Variants in ATF6 observed in about 807,000 individuals in gnomAD.
ATF6 encodes the protein cyclic AMP-dependent transcription factor ATF-6 alpha.
ATF6 carries 53 observed loss-of-function variants against 83.6 expected under a neutral mutation model. The ratio of observed to expected loss-of-function variants is 0.63; its 90% CI spans 0.51 to 0.80. ATF6 has a LOEUF of 0.80. Among genes scored for constraint, ATF6 ranks in the 30% least tolerant of loss-of-function variants. The probability of loss-of-function intolerance (pLI) is 0.00; values close to 1 mark genes in which losing one functional copy is unlikely to be tolerated. For missense variants in ATF6, 744 were observed against 797.9 expected, an observed-to-expected ratio of 0.93 and a Z score of 0.81; for synonymous variants, 288 against 285.8, an observed-to-expected ratio of 1.01 and a Z score of -0.08.
chr1:161,780,148 A>G (rs748611648), intron 2 of ATF6, among the ~76,000 whole-genome samples: 1 of 152,048 alleles, frequency 6.6e-6, no homozygotes, highest in African/African-American at 2.4e-5. Context: ...TTTCATGTGC[A>G]CTTTCACATG....
chr1:161,835,811 C>A (rs924139066), intron 9 of ATF6, among the ~76,000 whole-genome samples: 4 of 152,130 alleles, frequency 2.6e-5, no homozygotes, highest in African/African-American at 9.7e-5. Flanking sequence ...TATGTTTTCC[C>A]CTTTCTATTT....
chr1:161,808,741 T>G (rs1487578955), intron 7 of ATF6, among the ~76,000 whole-genome samples: 1 of 151,916 alleles, frequency 6.6e-6, no homozygotes, highest in Non-Finnish European at 1.5e-5. Context: ...TGATTTTTTT[T>G]TTTGTTTTTG....
chr1:161,947,810 C>CTTTTTTTTTTTTTTTTTTTT (rs10524670), intron 15 of ATF6, among the ~76,000 whole-genome samples: 1 of 57,548 alleles, frequency 1.7e-5, no homozygotes, highest in African/African-American at 8.5e-5. Context: ...TAAGCCACGC[C>CTTTTTTTTTTTTTTTTTTTT]TTTTTTTTTT....
intron 9 of ATF6, among the ~76,000 whole-genome samples, chr1:161,842,701 C>A (rs1557990408): frequency 6.6e-6 from 1 of 152,154 alleles, no homozygotes; most frequent in Non-Finnish European, 1.5e-5. Flanking sequence ...CACCACTAAA[C>A]AACGTACTCA....
intron 15 of ATF6, among the ~76,000 whole-genome samples, chr1:161,939,665 G>T (rs140687418): frequency 2.1e-4 from 32 of 152,226 alleles, no homozygotes; most frequent in African/African-American, 7.2e-4. Flanking sequence ...GTCCCAGATG[G>T]CTGCTTCAGC....
intron 5 of ATF6, among the ~76,000 whole-genome samples, 169 bp from the exon 6 acceptor site, chr1:161,791,955 T>C (rs1044962266): frequency 1.2e-4 from 19 of 152,248 alleles, no homozygotes; most frequent in African/African-American, 4.6e-4. Flanking sequence ...TTAAGTACTT[T>C]TCTTCAGTTC....
chr1:161,872,026 T>G (rs180827390), intron 14 of ATF6, among the ~76,000 whole-genome samples: 1 of 151,802 alleles, frequency 6.6e-6, no homozygotes, highest in Non-Finnish European at 1.5e-5. Flanking sequence ...TGAGTTTGTT[T>G]TTTGAATAGC....
chr1:161,869,484 T>G (rs1459919260), intron 14 of ATF6, among the ~76,000 whole-genome samples: 1 of 151,952 alleles, frequency 6.6e-6, no homozygotes, highest in African/African-American at 2.4e-5. Context: ...TTGGCCATTT[T>G]CTTATCTCCA....
chr1:161,964,056 G>T lies in ATF6; in HGVS notation c.*5402G>T, dbSNP rs1689157379. ...GTTATTTCTCTAAAATTCAAATAAAGAATTTTTAAACTTACCTTGTTTATT... is the reference window on the plus strand; with the variant it reads ...GTTATTTCTCTAAAATTCAAATAAATAATTTTTAAACTTACCTTGTTTATT... On this transcript the variant is annotated 3_prime_UTR_variant, in exon 16 of 16. Transcript: ENST00000367942. 6.6e-6 allele frequency: 1 copy of T among 152,060 alleles called. No individual in the cohort carries two copies. Among genetic ancestry groups the T allele is most frequent in the Non-Finnish European group, 1.5e-5 (1 of 67,996 alleles). 9.4% of individuals were successfully genotyped at this position (152,060 alleles called of 1,614,324 possible).
chr1:161,911,512 A>G (rs919713450), intron 14 of ATF6, among the ~76,000 whole-genome samples: 1 of 152,240 alleles, frequency 6.6e-6, no homozygotes, highest in Non-Finnish European at 1.5e-5. Context: ...GAAACCTCAG[A>G]TGCCCTGCAC....
At chr1:161,851,999 A>C (rs1032548218) in intron 11 of ATF6, among the ~76,000 whole-genome samples, 164 bp downstream of exon 11, 2 of 152,222 alleles carry the variant, frequency 1.3e-5, no homozygotes, top group Admixed American at 6.5e-5. Context: ...CACCAACCTC[A>C]TGGAGATGGT....
chr1:161,817,933 C>T (rs1381705902), intron 7 of ATF6, among the ~76,000 whole-genome samples: 2 of 151,460 alleles, frequency 1.3e-5, no homozygotes, highest in African/African-American at 4.9e-5. Context: ...CTGTCTCTAC[C>T]AAAAATACAC....
intron 6 of ATF6, among the ~76,000 whole-genome samples, chr1:161,794,105 C>T (rs1157146293): frequency 6.6e-6 from 1 of 152,080 alleles, no homozygotes; most frequent in Non-Finnish European, 1.5e-5. Flanking sequence ...CAGGGTTTCA[C>T]CATGTCGGCC....
chr1:161,811,118 G>A (rs1224485218), intron 7 of ATF6, among the ~76,000 whole-genome samples: 1 of 152,026 alleles, frequency 6.6e-6, no homozygotes, highest in Non-Finnish European at 1.5e-5. Context: ...AATATATAGA[G>A]TATAAATCAG....
At chr1:161,784,339 A>AT (rs774857338) in intron 4 of ATF6, among the ~76,000 whole-genome samples, 2 of 152,088 alleles carry the variant, frequency 1.3e-5, no homozygotes, top group African/African-American at 2.4e-5. Context: ...GTTTCATTGC[A>AT]TTTTAACAGT....
intron 15 of ATF6, among the ~76,000 whole-genome samples, chr1:161,933,391 A>G (rs1252294232): frequency 1.3e-5 from 2 of 152,168 alleles, no homozygotes; most frequent in African/African-American, 4.8e-5. Flanking sequence ...CTACTTATTA[A>G]TCTGTTTTAT....
intron 15 of ATF6, among the ~76,000 whole-genome samples, chr1:161,941,536 A>G (rs1558034324): frequency 6.6e-6 from 1 of 152,124 alleles, no homozygotes; most frequent in Non-Finnish European, 1.5e-5. Flanking sequence ...TATGGCCTGT[A>G]TTTGCTGTCA....
intron 15 of ATF6, among the ~76,000 whole-genome samples, chr1:161,939,521 T>C (rs886730977): frequency 5.9e-5 from 9 of 152,228 alleles, no homozygotes; most frequent in Non-Finnish European, 1.0e-4. Context: ...CTAAACAAGA[T>C]GAAAGTTGAT....
At chr1:161,926,352 A>T (rs1688308365) in intron 15 of ATF6, among the ~76,000 whole-genome samples, 1 of 152,188 alleles carries the variant, frequency 6.6e-6, no homozygotes, top group Non-Finnish European at 1.5e-5. Context: ...CCAGCTTAGC[A>T]GGGTGATTCT....
Sources: allele counts gnomAD v4.1 joint callset (sites outside exome capture counted in the v4.1 genomes callset), GRCh38; gene constraint gnomAD v4.1.1; transcripts MANE v1.5; gene names NCBI Gene and HGNC (gene_info 2026-07-23, HGNC 2026-07-21).